CLEC6A: variants seen among roughly 807,000 people sequenced by gnomAD.
CLEC6A encodes the protein C-type lectin domain family 6 member A.
A neutral mutation model predicts 25.7 loss-of-function variants in CLEC6A; 22 were observed. The ratio of observed to expected loss-of-function variants is 0.85; its 90% CI spans 0.61 to 1.22. CLEC6A has a LOEUF of 1.22. CLEC6A is among the 50% of genes most tolerant of loss of function. The pLI is 0.00. For missense variants in CLEC6A, 240 were observed against 236.8 expected, an observed-to-expected ratio of 1.01 and a Z score of -0.09; for synonymous variants, 92 against 76.7, an observed-to-expected ratio of 1.20 and a Z score of -1.04.
chr12:8,472,929 C>T (rs1939925431), intron 4 of CLEC6A, among the ~76,000 whole-genome samples: 1 of 151,760 alleles, frequency 6.6e-6, no homozygotes, highest in Admixed American at 6.6e-5. Flanking sequence ...TCCTCCTCTA[C>T]TAGTCCCCAG....
chr12:8,459,504 G>T, intron 2 of CLEC6A, 93 bp from the exon 3 acceptor site: 1 of 728,376 alleles, frequency 1.4e-6, no homozygotes, highest in Non-Finnish European at 2.5e-6. Flanking sequence ...ACAGCAGTGG[G>T]GGTCAGAGGT....
At chr12:8,460,806 G>A (rs997335604) in intron 3 of CLEC6A, 30 of 1,238,308 alleles carry the variant, frequency 2.4e-5, no homozygotes, top group Non-Finnish European at 3.0e-5. Flanking sequence ...TTATATATAG[G>A]ATTCGTGTTA....
Position 8,459,663 on chromosome 12 carries a change from G to T in CLEC6A, c.188G>T (p.Ser63Ile). The change falls in exon 3 of 6, where the codon AGT becomes ATT. Residue 63 changes from serine to isoleucine, a missense_variant. Transcript: ENST00000382073. ...RLSELHSYHS[S>I]LTCFSEGTKV... is the part of the protein sequence containing the mutation. ...TCTGAACTACACTCATATCATTCAA[G>T]TCTCACCTGCTTCAGTGAAGGGACA... is the stretch of plus-strand genomic sequence containing the variant. 6.2e-7 allele frequency: 1 copy of T among 1,613,424 alleles called. No individual in the cohort carries two copies. Among genetic ancestry groups the T allele is most frequent in the East Asian group, 2.2e-5 (1 of 44,862 alleles).
intron 3 of CLEC6A, chr12:8,461,282 CA>C (rs564126066): frequency 7.5e-4 from 366 of 485,708 alleles, no homozygotes; most frequent in East Asian, 9.0e-4. Context: ...TTAGGACAGT[CA>C]AAAAAAAACA....
At position 8,476,109 on chromosome 12, in the gene CLEC6A, T is replaced by C. The variant is rs779100677; in HGVS notation, c.370-16T>C. On this transcript the variant is annotated splice_polypyrimidine_tract_variant and intron_variant, in intron 4 of 5. Transcript: ENST00000382073. ...AAATACCAAAGTCTTTGACTCCTTT[T>C]TTTTCCTTCATGCAGAATTTCATTG... The C allele has an allele frequency of 2.6e-6, 4 of 1,557,674 alleles. No individual in the cohort carries two copies. Among genetic ancestry groups the C allele is most frequent in the Non-Finnish European group, 3.5e-6 (4 of 1,134,340 alleles).
chr12:8,466,664 T>TG (rs1177478278), intron 4 of CLEC6A, among the ~76,000 whole-genome samples: 1 of 151,176 alleles, frequency 6.6e-6, no homozygotes, highest in Admixed American at 6.6e-5. Flanking sequence ...GTTGTTTTGT[T>TG]TTTTTTTTTG....
At chr12:8,456,602 T>C (rs1337471280) in intron 1 of CLEC6A, among the ~76,000 whole-genome samples, 2 of 152,182 alleles carry the variant, frequency 1.3e-5, no homozygotes, top group Admixed American at 1.3e-4. Flanking sequence ...TGCATGTCCA[T>C]CAATAATGTT....
Position 8,474,648 on chromosome 12 carries a change from G to A in CLEC6A, c.370-1477G>A, listed in dbSNP as rs774141275. On this transcript the variant is annotated intron_variant, in intron 4 of 5. Transcript: ENST00000382073. ...ATATTAGGTTATGTCAGGAAGCCTC[G>A]GGGCAATACACAACAAATACTTGTT... 3.9e-4 allele frequency among the ~76,000 whole-genome samples: 59 copies of A among 152,188 alleles called. 1 individual carries two copies. In the East Asian group the frequency reaches 9.5e-3, roughly 24 times the overall value.
At chr12:8,459,448 A>G (rs192963185) in intron 2 of CLEC6A, 149 bp from the exon 3 acceptor site, 430 of 553,466 alleles carry the variant, frequency 7.8e-4, no homozygotes, top group Non-Finnish European at 1.2e-3. Flanking sequence ...AGTGAATACA[A>G]GCAAATAATA....
chr12:8,469,524 A>C (rs777245568), intron 4 of CLEC6A, among the ~76,000 whole-genome samples: 2 of 152,134 alleles, frequency 1.3e-5, no homozygotes, highest in Non-Finnish European at 2.9e-5. Context: ...TACATTACCT[A>C]ACTCTAAACT....
At position 8,477,422 on chromosome 12, in the gene CLEC6A, T is replaced by A. The variant is rs140087240; in HGVS notation, c.588T>A (p.Thr196=). The A allele has an allele frequency of 2.2e-4, 362 of 1,611,066 alleles. 1 individual carries two copies. The African/African-American group carries it at 4.4e-3, about 19-fold the overall frequency. ...GCTGGAATGATGTTATCTGTGAAACTAGAAGGAATTCAATATGTGAGATGA... is the reference window on the plus strand; with the variant it reads ...GCTGGAATGATGTTATCTGTGAAACAAGAAGGAATTCAATATGTGAGATGA... ...GWGWNDVICE[T]RRNSICEMNK... The change falls in exon 6 of 6, where the codon ACT becomes ACA. Residue 196 remains threonine, a synonymous_variant. Coordinates refer to ENST00000382073, the MANE Select transcript of CLEC6A (RefSeq NM_001007033.2).
chr12:8,466,254 A>C (rs1238128931), intron 4 of CLEC6A, among the ~76,000 whole-genome samples: 1 of 152,234 alleles, frequency 6.6e-6, no homozygotes, highest in African/African-American at 2.4e-5. Context: ...TGGTGAGAAC[A>C]CATAAGATGC....
chr12:8,477,479 G>C lies in CLEC6A; in HGVS notation c.*15G>C. 6.3e-7 allele frequency: 1 copy of C among 1,576,752 alleles called. No individual in the cohort carries two copies. Among genetic ancestry groups the C allele is most frequent in the Non-Finnish European group, 8.6e-7 (1 of 1,163,158 alleles). On this transcript the variant is annotated 3_prime_UTR_variant, in exon 6 of 6. Coordinates refer to ENST00000382073, the MANE Select transcript of CLEC6A (RefSeq NM_001007033.2). ...TTTACCTATGAGTAGAAGCTTAATTGGAAAGAAGAGAAGAATTACTGACGT... is the reference window on the plus strand; with the variant it reads ...TTTACCTATGAGTAGAAGCTTAATTCGAAAGAAGAGAAGAATTACTGACGT...
chr12:8,471,729 A>T (rs1240124661), intron 4 of CLEC6A, among the ~76,000 whole-genome samples: 2 of 151,978 alleles, frequency 1.3e-5, no homozygotes, highest in Non-Finnish European at 2.9e-5. Flanking sequence ...CTTAGCTCCC[A>T]CTTATTATGG....
At chr12:8,470,601 C>G (rs769428658) in intron 4 of CLEC6A, among the ~76,000 whole-genome samples, 14 of 152,106 alleles carry the variant, frequency 9.2e-5, no homozygotes, top group Non-Finnish European at 1.8e-4. Flanking sequence ...TTGGCAGCAA[C>G]TTGGATGGAA....
intron 4 of CLEC6A, among the ~76,000 whole-genome samples, chr12:8,466,779 C>T (rs185531455): frequency 3.4e-4 from 52 of 152,126 alleles, no homozygotes; most frequent in Admixed American, 1.2e-3. Flanking sequence ...CTCAACCTCC[C>T]GAGTAGCTGG....
rs746663582 is a variant in CLEC6A at position 8,471,045 on chromosome 12, G to A, written c.370-5080G>A. 1.8e-4 allele frequency among the ~76,000 whole-genome samples: 27 copies of A among 152,206 alleles called. No homozygotes were observed. In the East Asian group the frequency reaches 5.2e-3, roughly 29 times the overall value. ...GTCAAATGGGTTTTATGCACCAATT[G>A]AGGTAATCAGGTGGTTTTTGTTCTT... On this transcript the variant is annotated intron_variant, in intron 4 of 5. Transcript: ENST00000382073.
At chr12:8,477,287 G>T in intron 5 of CLEC6A, 33 bp from the exon 6 acceptor site, 1 of 1,570,202 alleles carries the variant, frequency 6.4e-7, no homozygotes, top group South Asian at 1.2e-5. Context: ...TGCATTCTTT[G>T]AAGATGTGTA....
intron 1 of CLEC6A, among the ~76,000 whole-genome samples, chr12:8,456,938 C>A (rs1179028220): frequency 6.6e-6 from 1 of 151,988 alleles, no homozygotes; most frequent in African/African-American, 2.4e-5. Context: ...GGTGAAATCC[C>A]GTCTCTAATA....
Sources: gnomAD v4.1 joint callset for allele counts (sites outside exome capture counted in the v4.1 genomes callset) on GRCh38, gnomAD v4.1.1 for gene constraint, MANE v1.5 for transcripts, NCBI Gene and HGNC (gene_info 2026-07-23, HGNC 2026-07-21) for gene names.